The following SRCIN1 variants were observed in gnomAD, a reference collection of about 807,000 sequenced individuals.
The protein encoded by SRCIN1 is P130Cas-associated protein.
Under a neutral mutation model 116.2 loss-of-function variants are expected in SRCIN1, and 50 were observed. That is an observed-to-expected ratio of 0.43 (90% confidence interval 0.34 to 0.54). The LOEUF (loss-of-function observed/expected upper bound fraction) is 0.54. SRCIN1 is among the 20% of genes least tolerant of loss of function. The pLI, the probability that SRCIN1 is intolerant of heterozygous loss-of-function variation, is 0.02. For missense variants in SRCIN1, 1,446 were observed against 1,672.0 expected (o/e 0.86, Z 2.36); for synonymous variants, 736 against 750.0 (o/e 0.98, Z 0.30).
intron 1 of SRCIN1, among the ~76,000 whole-genome samples, chr17:38,592,716 A>G (rs923401308): frequency 1.3e-5 from 2 of 152,140 alleles, no homozygotes; most frequent in African/African-American, 4.8e-5. Context: ...TCAACAAACA[A>G]TTCATACACA....
At chr17:38,591,319 GACCTCT>G (rs1037010871) in intron 1 of SRCIN1, among the ~76,000 whole-genome samples, 9 of 152,200 alleles carry the variant, frequency 5.9e-5, no homozygotes, top group African/African-American at 2.2e-4. Context: ...GGAAGGTCAT[GACCTCT>G]CCCTTTGGAG....
intron 1 of SRCIN1, among the ~76,000 whole-genome samples, chr17:38,588,659 C>T: frequency 6.6e-6 from 1 of 152,192 alleles, no homozygotes; most frequent in East Asian, 1.9e-4. Context: ...GATCTTTCCT[C>T]CCTCCCTGCA....
chr17:38,551,681 T>C, intron 14 of SRCIN1: 1 of 779,624 alleles, frequency 1.3e-6, no homozygotes. Context: ...CATACTGCTT[T>C]GATTATTGTA....
At position 38,573,176 on chromosome 17, in the gene SRCIN1, C is replaced by T. The variant is rs1311265653; in HGVS notation, c.325-4945G>A. ...CTAAAGGTCCCGCCTGGTGGAGGATCAGGGAGGGGACAGTGTTCTGCCTCC... is the reference window on the plus strand; with the variant it reads ...CTAAAGGTCCCGCCTGGTGGAGGATTAGGGAGGGGACAGTGTTCTGCCTCC... On this transcript the variant is annotated intron_variant, in intron 2 of 18. Coordinates refer to ENST00000617146, the MANE Select transcript of SRCIN1 (RefSeq NM_025248.3). Among the ~76,000 whole-genome samples the T allele has an allele frequency of 2.6e-5, 4 of 152,334 alleles. No individual in the cohort carries two copies. The East Asian group carries it at 7.7e-4, about 29-fold the overall frequency.
At chr17:38,603,196 G>C (rs1488906621) in intron 1 of SRCIN1, among the ~76,000 whole-genome samples, 3 of 152,118 alleles carry the variant, frequency 2.0e-5, no homozygotes, top group Non-Finnish European at 2.9e-5. Context: ...AGACAGGGAA[G>C]GGAGGGGGGA....
intron 9 of SRCIN1, 54 bp from the exon 10 acceptor site, chr17:38,559,826 G>C: frequency 1.4e-6 from 2 of 1,463,760 alleles, no homozygotes; most frequent in Non-Finnish European, 9.0e-7. Context: ...GCCTGGGAAG[G>C]ACTGGGCTGG....
At chr17:38,580,642 T>A (rs1276367907) in intron 1 of SRCIN1, among the ~76,000 whole-genome samples, 1 of 152,130 alleles carries the variant, frequency 6.6e-6, no homozygotes, top group African/African-American at 2.4e-5. Context: ...GTTTCTTGAG[T>A]GAACATTGAC....
At chr17:38,546,523 T>C (rs904403791) in intron 17 of SRCIN1, 2 of 152,422 alleles carry the variant, frequency 1.3e-5, no homozygotes, top group Admixed American at 1.3e-4. Flanking sequence ...CCCGGCTCCG[T>C]TGCCCGATGC....
rs2040906454 is a variant in SRCIN1, at chr17:38,530,583, T to A, written c.*2714A>T. 6.6e-6 allele frequency: 1 copy of A among 152,162 alleles called. No individual in the cohort carries two copies. Among genetic ancestry groups the A allele is most frequent in the African/African-American group, 2.4e-5 (1 of 41,332 alleles). The allele number at this position is 152,162 out of a possible 1,614,324, so 9.4% of individuals were successfully genotyped here. ...GGATCTGGAGCCAGTGGTGCAGGGA[T>A]GATGGAACACACGCACACAGAGGCA... On this transcript the variant is annotated 3_prime_UTR_variant, in exon 19 of 19. Coordinates refer to ENST00000617146, the MANE Select transcript of SRCIN1 (RefSeq NM_025248.3).
At chr17:38,599,216 C>A (rs1204378861) in intron 1 of SRCIN1, among the ~76,000 whole-genome samples, 1 of 152,180 alleles carries the variant, frequency 6.6e-6, no homozygotes, top group Non-Finnish European at 1.5e-5. Context: ...ACCAAGGACA[C>A]TGAAGACCAG....
At chr17:38,601,989 G>A (rs143709552) in intron 1 of SRCIN1, among the ~76,000 whole-genome samples, 1 of 152,176 alleles carries the variant, frequency 6.6e-6, no homozygotes, top group African/African-American at 2.4e-5. Flanking sequence ...GGGGAGGAAT[G>A]GGAAGACGGA....
In SRCIN1 at chr17:38,560,133, G is replaced by T. The variant is rs747342511; in HGVS notation, c.1794-36C>A. ...GGGAAAAAAGCCATCAGGGGGTCCA[G>T]GCCAGCCCCAGACCTTCAGAGCTGG... On this transcript the variant is annotated intron_variant, in intron 8 of 18. Coordinates refer to ENST00000617146, the MANE Select transcript of SRCIN1 (RefSeq NM_025248.3). 10 of 1,527,924 alleles carry T rather than the reference G, an allele frequency of 6.5e-6. No individual in the cohort carries two copies. In the South Asian group the frequency reaches 1.1e-4, roughly 17 times the overall value. The allele number at this position is 1,527,924 out of a possible 1,614,324, so 94.6% of individuals were successfully genotyped here. A position where few individuals can be genotyped will look rare whatever the true frequency, so the allele number is the denominator to read the frequency against.
intron 15 of SRCIN1, 35 bp downstream of exon 15, chr17:38,551,120 G>T (rs368957853): frequency 1.1e-6 from 1 of 936,652 alleles, no homozygotes. Context: ...ACTCCCCCAC[G>T]CTGGGCTCCT....
At chr17:38,554,575 G>A (rs76355339) in intron 11 of SRCIN1, among the ~76,000 whole-genome samples, 2,006 of 152,160 alleles carry the variant, frequency 0.013, 43 homozygotes, top group African/African-American at 0.044. Flanking sequence ...CCTCCAAACC[G>A]CTGAAGCTCC....
intron 18 of SRCIN1, among the ~76,000 whole-genome samples, chr17:38,536,497 T>C (rs936529811): frequency 1.3e-5 from 2 of 152,230 alleles, no homozygotes; most frequent in Non-Finnish European, 2.9e-5. Flanking sequence ...CCTGCACACC[T>C]CCCTCTTGCC....
At chr17:38,542,052 T>TC in intron 18 of SRCIN1, 1 of 105,328 alleles carries the variant, frequency 9.5e-6, no homozygotes, top group African/African-American at 3.6e-5. Context: ...TATGCAGGTG[T>TC]GGGGGGGGTC....
chr17:38,555,740 T>C (rs1905743699), intron 11 of SRCIN1, among the ~76,000 whole-genome samples: 1 of 152,212 alleles, frequency 6.6e-6, no homozygotes. Flanking sequence ...TCAGCCACGC[T>C]GCCCCCAATC....
chr17:38,538,370 T>C (rs1257070704), intron 18 of SRCIN1, among the ~76,000 whole-genome samples: 4 of 147,358 alleles, frequency 2.7e-5, no homozygotes, highest in Non-Finnish European at 5.9e-5. Context: ...TGAGCCAAAG[T>C]TGCGCCACTG....
Position 38,559,629 on chromosome 17 carries a change from C to T in SRCIN1, c.1981G>A (p.Ala661Thr), listed in dbSNP as rs752662536. 2.5e-6 allele frequency: 4 copies of T among 1,603,106 alleles called. No individual in the cohort carries two copies. The East Asian group carries it at 8.9e-5, about 36-fold the overall frequency. The stretch of plus-strand genomic sequence containing the variant: ...TGGAGCTGGCCGCGCAAGTCACTGG[C>T]GCTGTTCTGCAGGCCTCGCAGGTGA... ...QLHLRGLQNS[A>T]SDLRGQLQQL... is the part of the protein sequence containing the mutation. Residue 661 changes from alanine (A) to threonine (T), a missense_variant, in exon 10 of 19, where the codon GCC becomes ACC. Ala to Thr is a moderately conservative substitution (Grantham distance 58). This residue lies in a region of SRCIN1 where 398 missense variants were observed against 385.6 expected (regional missense o/e 1.03). Transcript: ENST00000617146.
Sources: gnomAD v4.1 joint callset for allele counts (sites outside exome capture counted in the v4.1 genomes callset) on GRCh38, gnomAD v4.1.1 for gene constraint, gnomAD v4.1.1 regional missense constraint, MANE v1.5 for transcripts, NCBI Gene and HGNC (gene_info 2026-07-23, HGNC 2026-07-21) for gene names.